Variants in PLCE1 observed in about 807,000 individuals in gnomAD.
PLCE1 encodes 1-phosphatidylinositol 4,5-bisphosphate phosphodiesterase epsilon-1.
Under a neutral mutation model 242.8 loss-of-function variants are expected in PLCE1, and 119 were observed. The ratio of observed to expected loss-of-function variants is 0.49; its 90% CI spans 0.42 to 0.57. PLCE1 has a LOEUF of 0.57. PLCE1 is among the 20% of genes least tolerant of loss of function. PLCE1 has a pLI of 0.00. For synonymous variants in PLCE1, 945 were observed against 1,017.4 expected (o/e 0.93, Z 1.35); for missense variants, 2,441 against 2,788.8 (o/e 0.88, Z 2.81).
intron 2 of PLCE1, among the ~76,000 whole-genome samples, chr10:94,075,737 G>A (rs2044480770): frequency 6.6e-6 from 1 of 152,232 alleles, no homozygotes; most frequent in African/African-American, 2.4e-5. Flanking sequence ...AACTGGGAAA[G>A]GCAGGGAGTT....
chr10:94,019,311 T>C (rs999024439), intron 1 of PLCE1, among the ~76,000 whole-genome samples: 3 of 152,170 alleles, frequency 2.0e-5, no homozygotes, highest in Non-Finnish European at 4.4e-5. Context: ...GCAAGTGGGA[T>C]TGAAATGCAG....
At chr10:93,997,259 C>T (rs2060843307) in intron 1 of PLCE1, among the ~76,000 whole-genome samples, 2 of 152,158 alleles carry the variant, frequency 1.3e-5, no homozygotes, top group South Asian at 2.1e-4. Context: ...ATTTTTCTCA[C>T]TTGGTGAGAA....
intron 2 of PLCE1, among the ~76,000 whole-genome samples, chr10:94,061,073 C>T (rs2134962261): frequency 6.6e-6 from 1 of 152,250 alleles, no homozygotes; most frequent in Admixed American, 6.5e-5. Context: ...ACTGTACTGC[C>T]TCCCAGGGGT....
intron 2 of PLCE1, among the ~76,000 whole-genome samples, chr10:94,079,668 C>T (rs1300466431): frequency 6.6e-6 from 1 of 152,136 alleles, no homozygotes; most frequent in East Asian, 1.9e-4. Flanking sequence ...TATAGCAGAG[C>T]CAGTTCAAGA....
intron 3 of PLCE1, chr10:94,155,624 TG>T (rs556112843): frequency 2.6e-4 from 39 of 151,788 alleles, no homozygotes; most frequent in African/African-American, 9.2e-4. Flanking sequence ...CTTTTTTTTT[TG>T]TTCTTGTTTT....
chr10:94,170,100 A>AC (rs1564752013), intron 3 of PLCE1, among the ~76,000 whole-genome samples: 8 of 152,186 alleles, frequency 5.3e-5, no homozygotes, highest in African/African-American at 1.9e-4. Flanking sequence ...TTTAGAAAAG[A>AC]GTCAGAGAAT....
At chr10:94,141,138 G>A (rs1431822826) in intron 3 of PLCE1, among the ~76,000 whole-genome samples, 4 of 152,240 alleles carry the variant, frequency 2.6e-5, no homozygotes, top group Admixed American at 2.6e-4. Context: ...ATAGGGCCAG[G>A]AAGCTTGGTA....
chr10:94,025,344 G>C (rs1280972489), intron 1 of PLCE1, among the ~76,000 whole-genome samples: 1 of 152,024 alleles, frequency 6.6e-6, no homozygotes, highest in Non-Finnish European at 1.5e-5. Context: ...CTACTACTGA[G>C]GAAATGAGAA....
intron 2 of PLCE1, among the ~76,000 whole-genome samples, chr10:94,065,776 G>A (rs2044179860): frequency 6.6e-6 from 1 of 152,140 alleles, no homozygotes; most frequent in African/African-American, 2.4e-5. Flanking sequence ...GCTGTTAGAG[G>A]GCAGCAGGGA....
intron 8 of PLCE1, among the ~76,000 whole-genome samples, chr10:94,248,472 C>T (rs1468407840): frequency 1.3e-5 from 2 of 152,130 alleles, no homozygotes; most frequent in South Asian, 2.1e-4. Flanking sequence ...CACCTATAAT[C>T]CCAGCTACTC....
chr10:94,110,074 T>TTTTTG (rs1270406742), intron 2 of PLCE1, among the ~76,000 whole-genome samples: 1 of 127,096 alleles, frequency 7.9e-6, no homozygotes, highest in Non-Finnish European at 1.7e-5. Flanking sequence ...TTTTTTTTTT[T>TTTTTG]TTTTTTGAGA....
intron 2 of PLCE1, among the ~76,000 whole-genome samples, chr10:94,084,314 A>G (rs2044738823): frequency 6.6e-6 from 1 of 152,176 alleles, no homozygotes. Context: ...CGTTTCCCCT[A>G]AGGAAGGGCC....
chr10:94,118,061 T>C (rs2046188099), intron 2 of PLCE1, among the ~76,000 whole-genome samples: 1 of 152,222 alleles, frequency 6.6e-6, no homozygotes, highest in Non-Finnish European at 1.5e-5. Context: ...AAAATGTAAG[T>C]GCTAAAACCA....
At chr10:94,119,692 A>G (rs1408289493) in intron 2 of PLCE1, among the ~76,000 whole-genome samples, 3 of 152,126 alleles carry the variant, frequency 2.0e-5, no homozygotes, top group Non-Finnish European at 4.4e-5. Context: ...GAAACACTGT[A>G]TGCCCACACC....
intron 27 of PLCE1, among the ~76,000 whole-genome samples, chr10:94,312,828 C>T (rs2053428469): frequency 6.6e-6 from 1 of 152,164 alleles, no homozygotes; most frequent in South Asian, 2.1e-4. Context: ...CTCTTTCTAA[C>T]AGATATATGT....
At chr10:94,000,578 A>G (rs540238343) in intron 1 of PLCE1, among the ~76,000 whole-genome samples, 1 of 152,364 alleles carries the variant, frequency 6.6e-6, no homozygotes, top group African/African-American at 2.4e-5. Flanking sequence ...TCTAACAAAT[A>G]TTAGTTTCTT....
intron 11 of PLCE1, among the ~76,000 whole-genome samples, chr10:94,255,914 A>ACT (rs111704161): frequency 6.1e-4 from 41 of 67,326 alleles, no homozygotes; most frequent in East Asian, 2.6e-3. Flanking sequence ...ACACACACAC[A>ACT]CTCTCTCTCT....
At chr10:94,184,814 T>G (rs2048420073) in intron 4 of PLCE1, among the ~76,000 whole-genome samples, 1 of 152,120 alleles carries the variant, frequency 6.6e-6, no homozygotes, top group Non-Finnish European at 1.5e-5. Flanking sequence ...TGGTCATGTC[T>G]TAGCTCAAGA....
At chr10:94,254,840 G>A in intron 10 of PLCE1, 53 bp from the exon 11 acceptor site, 2 of 1,597,314 alleles carry the variant, frequency 1.3e-6, no homozygotes. Context: ...ATTTGGTTCT[G>A]AGGGAAAGTA....
Sources: allele counts gnomAD v4.1 joint callset (sites outside exome capture counted in the v4.1 genomes callset), GRCh38; gene constraint gnomAD v4.1.1; transcripts MANE v1.5; gene names NCBI Gene and HGNC (gene_info 2026-07-23, HGNC 2026-07-21).